ALDH16A1: variants seen among roughly 807,000 people sequenced by gnomAD.
ALDH16A1 encodes the protein aldehyde dehydrogenase 16 family member A1, also known as aldehyde dehydrogenase family 16 member A1.
A neutral mutation model predicts 96.1 loss-of-function variants in ALDH16A1; 88 were observed. The observed-to-expected ratio is 0.92, with a 90% CI of 0.77 to 1.09. The LOEUF is 1.09. ALDH16A1 is among the 50% of genes least tolerant of loss of function. The probability of loss-of-function intolerance (pLI) is 0.00; values close to 1 mark genes in which losing one functional copy is unlikely to be tolerated. For missense variants in ALDH16A1, 1,250 were observed against 1,112.6 expected, an observed-to-expected ratio of 1.12 and a Z score of -1.76; for synonymous variants, 522 against 496.4, an observed-to-expected ratio of 1.05 and a Z score of -0.69.
chr19:49,469,051 G>T, intron 16 of ALDH16A1, 65 bp downstream of exon 16: 1 of 1,554,880 alleles, frequency 6.4e-7, no homozygotes, highest in Non-Finnish European at 8.7e-7. Context: ...TCCTTTTCTG[G>T]AAACACAGCC....
At chr19:49,463,006 G>A (rs746346259) in intron 8 of ALDH16A1, among the ~76,000 whole-genome samples, 84 of 109,182 alleles carry the variant, frequency 7.7e-4, no homozygotes, top group Admixed American at 3.1e-3. Context: ...CTGGGTCTGA[G>A]GGAGGAGGGG....
At chr19:49,458,329 A>G (rs544210780) in intron 1 of ALDH16A1, among the ~76,000 whole-genome samples, 157 bp from the exon 2 acceptor site, 12 of 152,262 alleles carry the variant, frequency 7.9e-5, no homozygotes, top group African/African-American at 2.4e-4. Flanking sequence ...GAAATGCTCT[A>G]TTTTACCACA....
In ALDH16A1 at chr19:49,453,373, C is replaced by G; in HGVS notation, c.42C>G (p.Phe14Leu). The G allele has an allele frequency of 6.4e-7, 1 of 1,571,794 alleles. No individual in the cohort carries two copies. Among genetic ancestry groups the G allele is most frequent in the Non-Finnish European group, 8.6e-7 (1 of 1,161,226 alleles). The stretch of plus-strand genomic sequence containing the variant: ...CAGGGCCCCGCGCCCGCGAGATCTT[C>G]ACCTCGCTGGAGTACGGACCGGTGC... ...TRAGPRAREIFTSLEYGPVPE... is the reference protein window; with the variant it reads ...TRAGPRAREILTSLEYGPVPE... Residue 14 changes from phenylalanine (F) to leucine (L), a missense_variant, in exon 1 of 17, where the codon TTC becomes TTG. Coordinates refer to ENST00000293350, the MANE Select transcript of ALDH16A1 (RefSeq NM_153329.4).
intron 4 of ALDH16A1, 30 bp from the exon 5 acceptor site, chr19:49,460,792 G>A (rs2079135196): frequency 6.3e-7 from 1 of 1,596,022 alleles, no homozygotes; most frequent in Non-Finnish European, 8.6e-7. Flanking sequence ...TAGCCTCAAG[G>A]GATCCTCTTG....
In ALDH16A1 at chr19:49,459,843, C is replaced by T; in HGVS notation, c.494C>T (p.Pro165Leu). The T allele has an allele frequency of 2.5e-6, 4 of 1,613,182 alleles. No homozygotes were observed. The highest frequency in any genetic ancestry group is 3.4e-6 in the Non-Finnish European group (4 of 1,179,774). Residue 165 changes from proline (P) to leucine (L), a missense_variant, in exon 4 of 17, where the codon CCC becomes CTC. By Grantham distance (98) the Pro-to-Leu change is moderately conservative (BLOSUM62 -3). Transcript: ENST00000293350. The surrounding 1 kb of genome is among the most constrained non-coding windows in gnomAD (Gnocchi z 4.1). ...GAGGAGGCACTGGCAGGCTGGGAGCCCATGGGTGAGACCCTGGAGTCCCTA... is the reference window on the plus strand; with the variant it reads ...GAGGAGGCACTGGCAGGCTGGGAGCTCATGGGTGAGACCCTGGAGTCCCTA... ...TQEEALAGWE[P>L]MGVIGLILPP...
At position 49,462,195 on chromosome 19, in the gene ALDH16A1, C is replaced by T. The variant is rs182235130; in HGVS notation, c.912+159C>T. Among the ~76,000 whole-genome samples, 1,036 of 150,012 alleles carry T rather than the reference C, an allele frequency of 6.9e-3. 10 individuals carry two copies. Among genetic ancestry groups the T allele is most frequent in the African/African-American group, 0.024 (960 of 40,376 alleles). Reference sequence around the variant, plus strand: ...TCGCCCAGGCTGGGGTGCAGCGGCGCGATTTTGGCTCACCGCAACCTCTGC... The same window carrying T: ...TCGCCCAGGCTGGGGTGCAGCGGCGTGATTTTGGCTCACCGCAACCTCTGC... On this transcript the variant is annotated intron_variant, in intron 7 of 16. Coordinates refer to ENST00000293350, the MANE Select transcript of ALDH16A1 (RefSeq NM_153329.4).
At position 49,459,855 on chromosome 19, in the gene ALDH16A1, C is replaced by T; in HGVS notation, c.499+7C>T. Reference sequence around the variant, plus strand: ...GCAGGCTGGGAGCCCATGGGTGAGACCCTGGAGTCCCTAGCCCTATCCTCC... The same window carrying T: ...GCAGGCTGGGAGCCCATGGGTGAGATCCTGGAGTCCCTAGCCCTATCCTCC... On this transcript the variant is annotated splice_region_variant and intron_variant, in intron 4 of 16. Coordinates refer to ENST00000293350, the MANE Select transcript of ALDH16A1 (RefSeq NM_153329.4). The surrounding 1 kb of genome is among the most constrained non-coding windows in gnomAD (Gnocchi z 4.1). 1 of 1,612,040 alleles carries T rather than the reference C, an allele frequency of 6.2e-7. No individual in the cohort carries two copies. The highest frequency in any genetic ancestry group is 2.2e-5 in the East Asian group (1 of 44,808).
In ALDH16A1 at chr19:49,468,673, C is replaced by T. The variant is rs2079220194; in HGVS notation, c.2124+107C>T. 7.0e-7 allele frequency: 1 copy of T among 1,425,908 alleles called. No individual in the cohort carries two copies. The highest frequency in any genetic ancestry group is 2.0e-5 in the Admixed American group (1 of 50,466). 88.3% of individuals were successfully genotyped at this position (1,425,908 alleles called of 1,614,324 possible). A position where few individuals can be genotyped will look rare whatever the true frequency, so the allele number is the denominator to read the frequency against. On this transcript the variant is annotated intron_variant, in intron 15 of 16. Coordinates refer to ENST00000293350, the MANE Select transcript of ALDH16A1 (RefSeq NM_153329.4). This position sits in a 1 kb window ranked among gnomAD's most constrained non-coding sequence, Gnocchi z 4.4. ...GTCTCTTACCCCACCCTCCGTGGTA[C>T]CCATGCTGCCCCCAGCCCCAGCACC... is the stretch of plus-strand genomic sequence containing the variant.
chr19:49,470,207 C>G, intron 16 of ALDH16A1, 99 bp from the exon 17 acceptor site: 1 of 1,443,340 alleles, frequency 6.9e-7, no homozygotes, highest in South Asian at 1.3e-5. Context: ...CTGGGTCCAG[C>G]CTGAAGCCCC....
chr19:49,462,754 A>C lies in ALDH16A1; in HGVS notation c.1097A>C (p.Gln366Pro). 1.3e-6 allele frequency: 2 copies of C among 1,575,708 alleles called. No individual in the cohort carries two copies. The highest frequency in any genetic ancestry group is 1.7e-6 in the Non-Finnish European group (2 of 1,162,552). ...CGTGAGGCCCAGAGCCAGGGTGCAC[A>C]GGTGAGGCAGGGGGTAGAGACTTGA... ...FVREAQSQGA[Q>P]VFQAGDVPSE... The change falls in exon 8 of 17, where the codon CAG (glutamine) becomes CCG (proline). Residue 366 changes from glutamine to proline, a missense_variant and splice_region_variant. By Grantham distance (76) the Gln-to-Pro change is moderately conservative. Transcript: ENST00000293350.
At position 49,470,187 on chromosome 19, in the gene ALDH16A1, G is replaced by A. The variant is rs74485795; in HGVS notation, c.2248-119G>A. 49 of 1,244,646 alleles carry A rather than the reference G, an allele frequency of 3.9e-5. No homozygotes were observed. In the African/African-American group the frequency reaches 6.8e-4, roughly 17 times the overall value. 77.1% of individuals were successfully genotyped at this position (1,244,646 alleles called of 1,614,324 possible). On this transcript the variant is annotated intron_variant, in intron 16 of 16. Coordinates refer to ENST00000293350, the MANE Select transcript of ALDH16A1 (RefSeq NM_153329.4). ...TGCTTGGGAGGAGCTGGGCATTGTA[G>A]CTGCAGAGCCTGGGTCCAGCCTGAA...
At position 49,468,316 on chromosome 19, in the gene ALDH16A1, C is replaced by T. The variant is rs915525310; in HGVS notation, c.1939-65C>T. 1 of 1,517,306 alleles carries T rather than the reference C, an allele frequency of 6.6e-7. No homozygotes were observed. The highest frequency in any genetic ancestry group is 8.9e-7 in the Non-Finnish European group (1 of 1,122,610). The allele number at this position is 1,517,306 out of a possible 1,614,324, so 94.0% of individuals were successfully genotyped here. A position where few individuals can be genotyped will look rare whatever the true frequency, so the allele number is the denominator to read the frequency against. ...AAGTGTTGGGGAGAATGTAGAGGAA[C>T]TGGATCTCTCATTTACTGCGGGCGG... On this transcript the variant is annotated intron_variant, in intron 14 of 16. Coordinates refer to ENST00000293350, the MANE Select transcript of ALDH16A1 (RefSeq NM_153329.4). The surrounding 1 kb of genome is among the most constrained non-coding windows in gnomAD (Gnocchi z 4.4).
At chr19:49,453,705 C>T (rs888320223) in intron 1 of ALDH16A1, among the ~76,000 whole-genome samples, 5 of 152,302 alleles carry the variant, frequency 3.3e-5, no homozygotes, top group African/African-American at 1.2e-4. Context: ...TCTAGACGCT[C>T]TCGTGATTCC....
chr19:49,465,511 T>C (rs1601037771), intron 12 of ALDH16A1, among the ~76,000 whole-genome samples: 1 of 146,386 alleles, frequency 6.8e-6, no homozygotes, highest in East Asian at 2.1e-4. Context: ...CAGAGGCTCA[T>C]GGGAGCAGTT....
At chr19:49,466,376 C>A in intron 14 of ALDH16A1, 93 bp downstream of exon 14, 1 of 1,300,690 alleles carries the variant, frequency 7.7e-7, no homozygotes, top group Non-Finnish European at 1.0e-6. Flanking sequence ...AATTCGGGCC[C>A]AGCCCCACCG....
intron 1 of ALDH16A1, among the ~76,000 whole-genome samples, chr19:49,455,064 G>A (rs1012761959): frequency 3.4e-5 from 5 of 147,660 alleles, no homozygotes; most frequent in African/African-American, 1.1e-4. Context: ...GTTGCAGTAA[G>A]CTGAGATTGC....
In ALDH16A1 at chr19:49,468,538, G is replaced by T; in HGVS notation, c.2096G>T (p.Cys699Phe). Residue 699 changes from cysteine (C) to phenylalanine (F), a missense_variant, in exon 15 of 17, where the codon TGT becomes TTT. By Grantham distance (205) the Cys-to-Phe change is radical. Coordinates refer to ENST00000293350, the MANE Select transcript of ALDH16A1 (RefSeq NM_153329.4). This position sits in a 1 kb window ranked among gnomAD's most constrained non-coding sequence, Gnocchi z 4.4. ...NTVVMVPSAA[C>F]PLLALEVCQD... ...GTGGTCATGGTGCCCAGTGCGGCCT[G>T]TCCTCTGCTGGCCCTGGAGGTCTGC... 1 of 1,604,612 alleles carries T rather than the reference G, an allele frequency of 6.2e-7. No homozygotes were observed.
In ALDH16A1 at chr19:49,461,809, G is replaced by T. The variant is rs1452694893; in HGVS notation, c.759+9G>T. 6.2e-7 allele frequency: 1 copy of T among 1,609,186 alleles called. No homozygotes were observed. The highest frequency in any genetic ancestry group is 8.5e-7 in the Non-Finnish European group (1 of 1,177,980). ...TCTGCGGAGCCCCGGAGGTACCTTC[G>T]GGACAGGGGTCGTGGCGGAACGCGG... is the stretch of plus-strand genomic sequence containing the variant. On this transcript the variant is annotated intron_variant, in intron 6 of 16. Transcript: ENST00000293350.
chr19:49,467,537 G>T (rs1234018409), intron 14 of ALDH16A1, among the ~76,000 whole-genome samples: 1 of 151,414 alleles, frequency 6.6e-6, no homozygotes, highest in African/African-American at 2.4e-5. Flanking sequence ...TGGGACTACA[G>T]GTGCCCACCA....
Sources: allele counts gnomAD v4.1 joint callset (sites outside exome capture counted in the v4.1 genomes callset), GRCh38; gene constraint gnomAD v4.1.1; non-coding constraint Gnocchi (gnomAD v3.1); transcripts MANE v1.5; gene names NCBI Gene and HGNC (gene_info 2026-07-23, HGNC 2026-07-21).